The following PTPN11 variants were observed in gnomAD, a reference collection of about 807,000 sequenced individuals.
The protein encoded by PTPN11 is tyrosine-protein phosphatase non-receptor type 11.
In PTPN11, 6 loss-of-function variants were observed where a neutral mutation model predicts 78.8. The ratio of observed to expected loss-of-function variants is 0.08; its 90% CI spans 0.04 to 0.15. The LOEUF is 0.15. Among genes scored for constraint, PTPN11 ranks in the 10% least tolerant of loss-of-function variants. The pLI is 1.00. For missense variants in PTPN11, 386 were observed against 744.8 expected (o/e 0.52, Z 5.61); for synonymous variants, 221 against 263.5 (o/e 0.84, Z 1.56).
chr12:112,432,348 C>T (rs765848368), intron 1 of PTPN11, among the ~76,000 whole-genome samples: 19 of 152,174 alleles, frequency 1.2e-4, no homozygotes, highest in South Asian at 2.1e-4. Flanking sequence ...TGATGATGGA[C>T]GGCATACATA....
chr12:112,495,932 G>A (rs575095108), intron 13 of PTPN11, among the ~76,000 whole-genome samples: 19 of 152,110 alleles, frequency 1.2e-4, no homozygotes, highest in Non-Finnish European at 1.8e-4. Flanking sequence ...GGGACTGCCT[G>A]TACTTTTTTC....
At chr12:112,484,923 G>A (rs58353393) in intron 10 of PTPN11, among the ~76,000 whole-genome samples, 5,734 of 151,074 alleles carry the variant, frequency 0.038, 241 homozygotes, top group African/African-American at 0.11. Context: ...AAAAAAAAAA[G>A]AAGAAGAAAA....
chr12:112,486,723 TG>T, intron 11 of PTPN11, 94 bp downstream of exon 11: 1 of 1,552,530 alleles, frequency 6.4e-7, no homozygotes, highest in Non-Finnish European at 8.7e-7. Context: ...GCTCTTTAAC[TG>T]TAGGAAGAAT....
chr12:112,502,278 T>G (rs369167459), intron 14 of PTPN11, 22 bp downstream of exon 14: 53 of 1,574,580 alleles, frequency 3.4e-5, no homozygotes, highest in Non-Finnish European at 4.5e-5. Flanking sequence ...TGAAGGAAAT[T>G]CTTTTTACCT....
intron 6 of PTPN11, among the ~76,000 whole-genome samples, chr12:112,465,736 G>A (rs562737038): frequency 5.9e-5 from 9 of 152,096 alleles, no homozygotes; most frequent in Admixed American, 2.6e-4. Flanking sequence ...ATTGAAACTA[G>A]CAACTTTCAG....
intron 6 of PTPN11, among the ~76,000 whole-genome samples, chr12:112,459,154 A>G (rs2038209230): frequency 6.6e-6 from 1 of 152,146 alleles, no homozygotes; most frequent in Non-Finnish European, 1.5e-5. Flanking sequence ...GCAGTCATTC[A>G]TTTCATTACT....
chr12:112,461,338 C>CT (rs559792080), intron 6 of PTPN11, among the ~76,000 whole-genome samples: 180 of 140,450 alleles, frequency 1.3e-3, no homozygotes, highest in Non-Finnish European at 1.5e-3. Flanking sequence ...TTTTCTTTTT[C>CT]TTTTTTTTTT....
chr12:112,509,059 C>T lies in PTPN11; in HGVS notation c.*3267C>T, dbSNP rs1400581444. On this transcript the variant is annotated 3_prime_UTR_variant, in exon 16 of 16. Transcript: ENST00000351677. ...CCATAAGGGAAACTTAGACTATAGA[C>T]ATAACTACAAAGCCAGTGCAGCTTT... The T allele has an allele frequency of 2.0e-5, 3 of 152,214 alleles. No homozygotes were observed. Among genetic ancestry groups the T allele is most frequent in the Non-Finnish European group, 4.4e-5 (3 of 68,040 alleles). The allele number at this position is 152,214 out of a possible 1,614,324, so 9.4% of individuals were successfully genotyped here. A position where few individuals can be genotyped will look rare whatever the true frequency, so the allele number is the denominator to read the frequency against.
intron 12 of PTPN11, 76 bp from the exon 13 acceptor site, chr12:112,488,948 A>G: frequency 6.4e-7 from 1 of 1,569,326 alleles, no homozygotes; most frequent in Non-Finnish European, 8.8e-7. Context: ...CTCTGAGTCC[A>G]CTAAAAGTTG....
At chr12:112,487,828 G>GAATT (rs1287404629) in intron 11 of PTPN11, among the ~76,000 whole-genome samples, 1 of 152,048 alleles carries the variant, frequency 6.6e-6, no homozygotes, top group Non-Finnish European at 1.5e-5. Context: ...CTGTCACCCA[G>GAATT]GCTAGAGTGC....
At chr12:112,467,378 C>G (rs889801064) in intron 6 of PTPN11, among the ~76,000 whole-genome samples, 18 of 152,132 alleles carry the variant, frequency 1.2e-4, no homozygotes, top group African/African-American at 4.3e-4. Flanking sequence ...ATGGCTCCAG[C>G]ATCTGCTTCT....
rs2038952085 is a variant in PTPN11, at chr12:112,507,711, G to A, written c.*1919G>A. 1 of 152,624 alleles carries A rather than the reference G, an allele frequency of 6.6e-6. No homozygotes were observed. Among genetic ancestry groups the A allele is most frequent in the East Asian group, 1.9e-4 (1 of 5,234 alleles). The allele number at this position is 152,624 out of a possible 1,614,324, so 9.5% of individuals were successfully genotyped here. Reference sequence around the variant, plus strand: ...TTCTTCTGACTTTGGCTTCTGAAAGGAAGGCCTAGATCCAGCCCTGGTGGT... The same window carrying A: ...TTCTTCTGACTTTGGCTTCTGAAAGAAAGGCCTAGATCCAGCCCTGGTGGT... On this transcript the variant is annotated 3_prime_UTR_variant, in exon 16 of 16. Transcript: ENST00000351677.
At position 112,453,465 on chromosome 12, in the gene PTPN11, A is replaced by G. The variant is rs114073655; in HGVS notation, c.525+78A>G. On this transcript the variant is annotated intron_variant, in intron 4 of 15. Coordinates refer to ENST00000351677, the MANE Select transcript of PTPN11 (RefSeq NM_002834.5). ...TTTCTGCTGACAGAAGACAGACACC[A>G]TTACATTCAAAGTCAGATTGTCTTT... 2,115 of 1,117,340 alleles carry G rather than the reference A, an allele frequency of 1.9e-3. 24 individuals carry two copies. In the African/African-American group the frequency reaches 0.026, roughly 14 times the overall value. 69.2% of individuals were successfully genotyped at this position (1,117,340 alleles called of 1,614,324 possible). A position where few individuals can be genotyped will look rare whatever the true frequency, so the allele number is the denominator to read the frequency against.
Position 112,505,920 on chromosome 12 carries a change from T to C in PTPN11, c.*128T>C, listed in dbSNP as rs538274355. The C allele has an allele frequency of 7.1e-5, 11 of 154,194 alleles. No individual in the cohort carries two copies. The highest frequency in any genetic ancestry group is 2.6e-4 in the African/African-American group (11 of 41,580). 9.6% of individuals were successfully genotyped at this position (154,194 alleles called of 1,614,324 possible). A position where few individuals can be genotyped will look rare whatever the true frequency, so the allele number is the denominator to read the frequency against. On this transcript the variant is annotated 3_prime_UTR_variant, in exon 16 of 16. Transcript: ENST00000351677. The stretch of plus-strand genomic sequence containing the variant: ...TGGATTTGGAAGGCTTGCAATGTGG[T>C]TGACTACCTTTTGATAAGCAAAATT...
intron 13 of PTPN11, among the ~76,000 whole-genome samples, chr12:112,499,627 C>T (rs936693475): frequency 5.3e-5 from 8 of 152,192 alleles, no homozygotes; most frequent in African/African-American, 1.2e-4. Flanking sequence ...GTATGAGCCA[C>T]AGTGCCCGGC....
At chr12:112,422,533 G>T (rs2135822831) in intron 1 of PTPN11, among the ~76,000 whole-genome samples, 1 of 152,294 alleles carries the variant, frequency 6.6e-6, no homozygotes, top group South Asian at 2.1e-4. Flanking sequence ...GCTGAGAGGG[G>T]CAGAAAATTG....
At chr12:112,477,818 CT>C (rs769391394) in intron 8 of PTPN11, 38 bp from the exon 9 acceptor site, 9 of 1,612,446 alleles carry the variant, frequency 5.6e-6, no homozygotes, top group Non-Finnish European at 6.8e-6. Flanking sequence ...CTGAAAGTAA[CT>C]TTAAGGTGTT....
chr12:112,487,008 G>A (rs1248080605), intron 11 of PTPN11: 6 of 905,556 alleles, frequency 6.6e-6, no homozygotes, highest in African/African-American at 3.4e-5. Flanking sequence ...GGGGTGTGGT[G>A]GAAATAGGCC....
At chr12:112,460,172 T>C (rs1410643265) in intron 6 of PTPN11, among the ~76,000 whole-genome samples, 2 of 152,140 alleles carry the variant, frequency 1.3e-5, no homozygotes, top group Non-Finnish European at 2.9e-5. Context: ...GGTCTCAAAC[T>C]TCCGACCTCA....
Sources: gnomAD v4.1 joint callset for allele counts (sites outside exome capture counted in the v4.1 genomes callset) on GRCh38, gnomAD v4.1.1 for gene constraint, MANE v1.5 for transcripts, NCBI Gene and HGNC (gene_info 2026-07-23, HGNC 2026-07-21) for gene names.